Variants in LTA4H observed in about 807,000 individuals in gnomAD.
The protein encoded by LTA4H is leukotriene A-4 hydrolase.
LTA4H carries 59 observed loss-of-function variants against 89.8 expected under a neutral mutation model. The observed-to-expected ratio is 0.66, with a 90% CI of 0.53 to 0.82. The LOEUF is 0.82. LTA4H is among the 40% of genes least tolerant of loss of function. The pLI is 0.00. For synonymous variants in LTA4H, 227 were observed against 253.1 expected, an observed-to-expected ratio of 0.90 and a Z score of 0.98; for missense variants, 617 against 727.0, an observed-to-expected ratio of 0.85 and a Z score of 1.74.
At position 96,003,997 on chromosome 12, in the gene LTA4H, T is replaced by C. The variant is rs994704093; in HGVS notation, c.1531-77A>G. On this transcript the variant is annotated intron_variant, in intron 16 of 18. Coordinates refer to ENST00000228740, the MANE Select transcript of LTA4H (RefSeq NM_000895.3). ...AAGAAAGGAGCTGGAGAGAAATGCA[T>C]AGCCAGATTAAAATCCTAAATATTT... 19 of 699,598 alleles carry C rather than the reference T, an allele frequency of 2.7e-5. No homozygotes were observed. The South Asian group carries it at 2.8e-4, about 10-fold the overall frequency. The allele number at this position is 699,598 out of a possible 1,614,324, so 43.3% of individuals were successfully genotyped here.
chr12:96,016,669 G>A (rs1323274313), intron 10 of LTA4H, among the ~76,000 whole-genome samples: 1 of 151,958 alleles, frequency 6.6e-6, no homozygotes, highest in African/African-American at 2.4e-5. Flanking sequence ...GGGAGGCCAA[G>A]GTGGGTGGAT....
chr12:96,039,037 T>C (rs1295807096), upstream of LTA4H, among the ~76,000 whole-genome samples: 2 of 151,992 alleles, frequency 1.3e-5, no homozygotes, highest in Non-Finnish European at 2.9e-5. Flanking sequence ...ATTATTGATA[T>C]CCAATGGGGA....
rs888662288 is a variant in LTA4H at position 96,027,276 on chromosome 12, A to C, written c.411+168T>G. The stretch of plus-strand genomic sequence containing the variant: ...TAAGGCATGAGTGTATTAATAGTGA[A>C]AGATAAAATGAAAATATATAATTCA... On this transcript the variant is annotated intron_variant, in intron 3 of 18. Transcript: ENST00000228740. 6 of 512,606 alleles carry C rather than the reference A, an allele frequency of 1.2e-5. No homozygotes were observed. The African/African-American group carries it at 1.2e-4, about 10-fold the overall frequency. 31.8% of individuals were successfully genotyped at this position (512,606 alleles called of 1,614,324 possible).
intron 1 of LTA4H, among the ~76,000 whole-genome samples, chr12:96,032,994 A>G (rs2136920020): frequency 6.6e-6 from 1 of 152,308 alleles, no homozygotes; most frequent in Non-Finnish European, 1.5e-5. Context: ...AAAAGTAACT[A>G]ATGGGTACTA....
chr12:96,019,879 C>A (rs894222526), intron 6 of LTA4H, among the ~76,000 whole-genome samples: 1 of 148,550 alleles, frequency 6.7e-6, no homozygotes, highest in Non-Finnish European at 1.5e-5. Context: ...GGATTACAGG[C>A]GTGAGCCACC....
At chr12:96,011,471 A>C (rs1442708872) in intron 14 of LTA4H, 1 of 152,208 alleles carries the variant, frequency 6.6e-6, no homozygotes, top group Non-Finnish European at 1.5e-5. Context: ...TAAAATGAAG[A>C]TCCTCTAAGG....
upstream of LTA4H, among the ~76,000 whole-genome samples, chr12:96,038,529 G>A (rs10777768): frequency 0.33 from 50,089 of 151,628 alleles, 9,487 homozygotes; most frequent in Non-Finnish European, 0.43. Context: ...ACAGGCGCCC[G>A]CCACCACGCC....
At chr12:96,003,190 T>TATATAG in intron 17 of LTA4H, 126 bp from the exon 18 acceptor site, 1 of 576,320 alleles carries the variant, frequency 1.7e-6, no homozygotes, top group African/African-American at 1.9e-5. Context: ...TGTACACCAC[T>TATATAG]TTATGGTATG....
intron 3 of LTA4H, chr12:96,025,309 C>G (rs538207132): frequency 6.6e-6 from 1 of 152,228 alleles, no homozygotes; most frequent in Non-Finnish European, 1.5e-5. Flanking sequence ...ACCCATTTCT[C>G]TCTGGTTTAA....
chr12:96,038,639 A>C (rs1308729087), upstream of LTA4H, among the ~76,000 whole-genome samples: 1 of 151,840 alleles, frequency 6.6e-6, no homozygotes, highest in East Asian at 1.9e-4. Flanking sequence ...TTGGCCTTCC[A>C]AAGTGCTGGG....
chr12:96,041,694 T>G (rs1472060543), intron 1 of LTA4H, among the ~76,000 whole-genome samples: 1 of 152,090 alleles, frequency 6.6e-6, no homozygotes, highest in Non-Finnish European at 1.5e-5. Flanking sequence ...CAGGCCGGAG[T>G]GCAGTGGCAC....
At chr12:96,005,783 C>T (rs1266657268) in intron 16 of LTA4H, among the ~76,000 whole-genome samples, 1 of 152,148 alleles carries the variant, frequency 6.6e-6, no homozygotes, top group African/African-American at 2.4e-5. Context: ...GAGTTTCACT[C>T]TGTTGCTCAG....
In LTA4H at chr12:96,024,510, GTGTCC is replaced by G. The variant is rs747974837; in HGVS notation, c.444_448del (p.Gln148HisfsTer16). 6.2e-7 allele frequency: 1 copy of G among 1,611,716 alleles called. No individual in the cohort carries two copies. The highest frequency in any genetic ancestry group is 8.5e-7 in the Non-Finnish European group (1 of 1,178,094). On this transcript the variant is annotated frameshift_variant, in exon 4 of 19. Transcript: ENST00000228740. LOFTEE classifies it high-confidence loss of function. ...AGTATAGGTTAATTTCACAGAAGGAGTGTCCTGACAAGGAAGGATTGCTCTGCAGT... is the reference window on the plus strand; with the variant it reads ...AGTATAGGTTAATTTCACAGAAGGAGTGACAAGGAAGGATTGCTCTGCAGT...
At chr12:96,006,210 C>T in intron 16 of LTA4H, 104 bp downstream of exon 16, 1 of 587,522 alleles carries the variant, frequency 1.7e-6, no homozygotes, top group Non-Finnish European at 3.0e-6. Context: ...ATGATTTTTT[C>T]CCCATTAGTT....
chr12:96,015,892 A>C lies in LTA4H; in HGVS notation c.948-198T>G, dbSNP rs193223285. Among the ~76,000 whole-genome samples, 5 of 152,342 alleles carry C rather than the reference A, an allele frequency of 3.3e-5. No homozygotes were observed. In the East Asian group the frequency reaches 9.6e-4, roughly 29 times the overall value. ...CAGCCCAGCAGATGGCAGCAGGGAA[A>C]GTTAAGCCCTGCTTCTGCTCTTGCA... On this transcript the variant is annotated intron_variant, in intron 10 of 18. Transcript: ENST00000228740.
intron 4 of LTA4H, among the ~76,000 whole-genome samples, chr12:96,023,942 T>C (rs1566013698): frequency 1.3e-5 from 2 of 152,100 alleles, no homozygotes; most frequent in Non-Finnish European, 2.9e-5. Context: ...TTTGGGTTTT[T>C]TTTTTGAGAC....
At chr12:96,041,370 G>A (rs1393132537) in intron 1 of LTA4H, among the ~76,000 whole-genome samples, 1 of 152,096 alleles carries the variant, frequency 6.6e-6, no homozygotes, top group Non-Finnish European at 1.5e-5. Flanking sequence ...ACAGTTGGGT[G>A]CTCTTCGAGA....
At chr12:96,003,725 A>G in intron 17 of LTA4H, 113 bp downstream of exon 17, 1 of 578,598 alleles carries the variant, frequency 1.7e-6, no homozygotes, top group East Asian at 3.1e-5. Context: ...AGTCAGTTTG[A>G]CAAGGAATTC....
chr12:96,003,755 C>T, intron 17 of LTA4H, 83 bp downstream of exon 17: 1 of 876,754 alleles, frequency 1.1e-6, no homozygotes, highest in East Asian at 2.6e-5. Flanking sequence ...AAGTATGTCT[C>T]ATACTCTGCA....
Sources: allele counts gnomAD v4.1 joint callset (sites outside exome capture counted in the v4.1 genomes callset), GRCh38; gene constraint gnomAD v4.1.1; transcripts MANE v1.5; gene names NCBI Gene and HGNC (gene_info 2026-07-23, HGNC 2026-07-21).